Variants in ARHGEF10 observed in about 807,000 individuals in gnomAD.
ARHGEF10 encodes the protein Rho guanine nucleotide exchange factor 10, also known as Rho guanine nucleotide exchange factor (GEF) 10.
A neutral mutation model predicts 147.4 loss-of-function variants in ARHGEF10; 140 were observed. The ratio of observed to expected loss-of-function variants is 0.95; its 90% CI spans 0.83 to 1.09. ARHGEF10 has a LOEUF of 1.09. ARHGEF10 is among the 50% of genes least tolerant of loss of function. The pLI, the probability that ARHGEF10 is intolerant of heterozygous loss-of-function variation, is 0.00. For synonymous variants in ARHGEF10, 902 were observed against 695.8 expected (o/e 1.30, Z -4.67); for missense variants, 2,222 against 1,752.7 (o/e 1.27, Z -4.78).
At chr8:1,900,530 G>A (rs892401558) in intron 15 of ARHGEF10, among the ~76,000 whole-genome samples, 15 of 152,172 alleles carry the variant, frequency 9.9e-5, no homozygotes, top group African/African-American at 3.4e-4. Flanking sequence ...TGCCAGCCAG[G>A]ACTTTGGGAA....
At chr8:1,921,276 A>T (rs551091409) in intron 18 of ARHGEF10, among the ~76,000 whole-genome samples, 1 of 152,242 alleles carries the variant, frequency 6.6e-6, no homozygotes, top group Non-Finnish European at 1.5e-5. Flanking sequence ...TTAGATACCT[A>T]TATCTGAAAT....
rs769033600 is a variant in ARHGEF10, at chr8:1,905,545, C to T, written c.1822-26C>T. ...TTTTCCGGGTAAACTGAACTGTGGTCCCTGGGCTGTGTTTTGAATGTCCAG... is the reference window on the plus strand; with the variant it reads ...TTTTCCGGGTAAACTGAACTGTGGTTCCTGGGCTGTGTTTTGAATGTCCAG... On this transcript the variant is annotated intron_variant, in intron 16 of 28. Coordinates refer to ENST00000349830, the MANE Select transcript of ARHGEF10 (RefSeq NM_014629.4). 4 of 1,614,044 alleles carry T rather than the reference C, an allele frequency of 2.5e-6. No homozygotes were observed. In the Admixed American group the frequency reaches 6.7e-5, roughly 27 times the overall value.
At chr8:1,899,420 T>C (rs768627539) in intron 15 of ARHGEF10, among the ~76,000 whole-genome samples, 44 of 152,344 alleles carry the variant, frequency 2.9e-4, no homozygotes, top group Middle Eastern at 3.4e-3. Context: ...TTAGAGCCGA[T>C]TAAGATGAAC....
At chr8:1,950,876 G>A (rs1444732307) in intron 27 of ARHGEF10, among the ~76,000 whole-genome samples, 1 of 151,864 alleles carries the variant, frequency 6.6e-6, no homozygotes, top group Non-Finnish European at 1.5e-5. Flanking sequence ...CACTGCGCCC[G>A]GCCTACCCTT....
chr8:1,866,434 C>T (rs559471873), intron 5 of ARHGEF10, 92 bp from the exon 6 acceptor site: 4 of 973,546 alleles, frequency 4.1e-6, no homozygotes, highest in South Asian at 1.3e-5. Flanking sequence ...CACACACACA[C>T]ACACACACAC....
chr8:1,840,048 G>A (rs1235692083), intron 1 of ARHGEF10, among the ~76,000 whole-genome samples: 1 of 141,838 alleles, frequency 7.1e-6, no homozygotes, highest in Non-Finnish European at 1.5e-5. Context: ...GAAGCTGTCC[G>A]ATATGGGGAC....
At position 1,936,186 on chromosome 8, in the gene ARHGEF10, GT is replaced by G. The variant is rs1456855874; in HGVS notation, c.3222+2248del. Among the ~76,000 whole-genome samples the G allele has an allele frequency of 6.6e-5, 10 of 152,270 alleles. No individual in the cohort carries two copies. In the East Asian group the frequency reaches 1.9e-3, roughly 29 times the overall value. ...AAACAAACTGGGATAACACAGGTGT[GT>G]TTTCACCCAATAAAATGGACCAACT... On this transcript the variant is annotated intron_variant, in intron 26 of 28. Coordinates refer to ENST00000349830, the MANE Select transcript of ARHGEF10 (RefSeq NM_014629.4).
intron 12 of ARHGEF10, among the ~76,000 whole-genome samples, chr8:1,894,067 G>A (rs938431875): frequency 2.9e-4 from 44 of 152,018 alleles, no homozygotes; most frequent in Admixed American, 1.2e-3. Context: ...CCAGCTACTC[G>A]GGAGGCTGAG....
chr8:1,841,289 T>C (rs1461373594), intron 1 of ARHGEF10, among the ~76,000 whole-genome samples: 1 of 152,164 alleles, frequency 6.6e-6, no homozygotes, highest in African/African-American at 2.4e-5. Flanking sequence ...AGAAGGTTAT[T>C]TGGGTCACGT....
At chr8:1,830,504 C>G (rs1014477724) in intron 1 of ARHGEF10, among the ~76,000 whole-genome samples, 1 of 152,178 alleles carries the variant, frequency 6.6e-6, no homozygotes, top group Non-Finnish European at 1.5e-5. Flanking sequence ...AAAGAAACAA[C>G]CTTTGCACAT....
intron 18 of ARHGEF10, 35 bp downstream of exon 18, chr8:1,909,505 G>T: frequency 2.5e-6 from 4 of 1,611,838 alleles, no homozygotes; most frequent in Non-Finnish European, 3.4e-6. Context: ...CGTGCCGTGG[G>T]GCCAGGGTAA....
chr8:1,933,867 C>T lies in ARHGEF10; in HGVS notation c.3147C>T (p.Leu1049=), dbSNP rs1276468482. ...KLGVLPVRSL[L]MMEDTLWAAS... ...GCGTCCTACCAGTTAGAAGTCTACTCATGATGGAAGACACGTTGTGGGCGG... is the reference window on the plus strand; with the variant it reads ...GCGTCCTACCAGTTAGAAGTCTACTTATGATGGAAGACACGTTGTGGGCGG... Residue 1049 remains leucine (L), a synonymous_variant, in exon 26 of 29, where the codon CTC becomes CTT. Coordinates refer to ENST00000349830, the MANE Select transcript of ARHGEF10 (RefSeq NM_014629.4). 1.2e-6 allele frequency: 2 copies of T among 1,614,114 alleles called. No homozygotes were observed. Among genetic ancestry groups the T allele is most frequent in the Non-Finnish European group, 1.7e-6 (2 of 1,180,054 alleles).
intron 26 of ARHGEF10, among the ~76,000 whole-genome samples, chr8:1,939,936 G>T (rs968165584): frequency 6.6e-6 from 1 of 152,210 alleles, no homozygotes; most frequent in African/African-American, 2.4e-5. Flanking sequence ...TTTTGCAGCA[G>T]ACGGTGCTGA....
intron 17 of ARHGEF10, among the ~76,000 whole-genome samples, chr8:1,908,692 G>A (rs537261804): frequency 3.3e-5 from 5 of 152,214 alleles, no homozygotes; most frequent in Non-Finnish European, 5.9e-5. Flanking sequence ...AGATGTTGGC[G>A]CAGGTCGTTT....
intron 1 of ARHGEF10, among the ~76,000 whole-genome samples, chr8:1,838,205 C>T (rs1803708038): frequency 6.6e-6 from 1 of 152,234 alleles, no homozygotes; most frequent in Admixed American, 6.5e-5. Flanking sequence ...ACTCCATCTC[C>T]AGCGATCCTG....
At position 1,952,881 on chromosome 8, in the gene ARHGEF10, G is replaced by A. The variant is rs915423722; in HGVS notation, c.3520+54G>A. On this transcript the variant is annotated intron_variant, in intron 28 of 28. Coordinates refer to ENST00000349830, the MANE Select transcript of ARHGEF10 (RefSeq NM_014629.4). ...GCATCCTGTCTTGCAGGCTCGTGGA[G>A]CATAGCAGTGTGTAGTGTGATTTAA... The A allele has an allele frequency of 6.8e-6, 11 of 1,611,860 alleles. No homozygotes were observed. The African/African-American group carries it at 1.3e-4, about 20-fold the overall frequency.
chr8:1,892,714 AGT>A lies in ARHGEF10; in HGVS notation c.1183-847_1183-846del, dbSNP rs567321290. Among the ~76,000 whole-genome samples, 3 of 151,116 alleles carry A rather than the reference AGT, an allele frequency of 2.0e-5. No individual in the cohort carries two copies. In the East Asian group the frequency reaches 5.8e-4, roughly 29 times the overall value. On this transcript the variant is annotated intron_variant, in intron 11 of 28. Coordinates refer to ENST00000349830, the MANE Select transcript of ARHGEF10 (RefSeq NM_014629.4). ...CATATATGGGGTGGGTGTGTACAGGAGTGTGTGTGGTGTGGTGTGCCCGGGCG... is the reference window on the plus strand; with the variant it reads ...CATATATGGGGTGGGTGTGTACAGGAGTGTGTGGTGTGGTGTGCCCGGGCG...
intron 1 of ARHGEF10, chr8:1,825,938 A>C: frequency 1.6e-6 from 1 of 632,560 alleles, no homozygotes; most frequent in Non-Finnish European, 2.8e-6. Context: ...ATATGTTTTG[A>C]ACACCTGCTT....
upstream of ARHGEF10, among the ~76,000 whole-genome samples, chr8:1,823,449 T>TG (rs1180908395): frequency 4.7e-3 from 698 of 149,086 alleles, 4 homozygotes; most frequent in African/African-American, 6.5e-3. Context: ...GGCGATGTTC[T>TG]GGGGGGGGGA....
Sources: gnomAD v4.1 joint callset for allele counts (sites outside exome capture counted in the v4.1 genomes callset) on GRCh38, gnomAD v4.1.1 for gene constraint, MANE v1.5 for transcripts, NCBI Gene and HGNC (gene_info 2026-07-23, HGNC 2026-07-21) for gene names.